PRKCB: variants seen among roughly 807,000 people sequenced by gnomAD.
PRKCB encodes the protein protein kinase C beta, also known as protein kinase C beta type.
A neutral mutation model predicts 81.5 loss-of-function variants in PRKCB; 13 were observed. The ratio of observed to expected loss-of-function variants is 0.16; its 90% confidence interval spans 0.10 to 0.25. The LOEUF (loss-of-function observed/expected upper bound fraction) is 0.25, where lower values mean the gene tolerates loss of function less well. Ranked by LOEUF, PRKCB falls within the 10% of genes least tolerant of loss-of-function variation. The probability of loss-of-function intolerance (pLI) is 1.00; values close to 1 mark genes in which losing one functional copy is unlikely to be tolerated. For missense variants in PRKCB, 509 were observed against 875.7 expected (o/e 0.58, Z 5.29); for synonymous variants, 335 against 321.4 (o/e 1.04, Z -0.45).
At chr16:24,207,322 A>G (rs1236268699) in intron 16 of PRKCB, among the ~76,000 whole-genome samples, 1 of 152,174 alleles carries the variant, frequency 6.6e-6, no homozygotes, top group Non-Finnish European at 1.5e-5. Flanking sequence ...AATAGCTTTC[A>G]CAGCTTCTTT....
intron 3 of PRKCB, among the ~76,000 whole-genome samples, chr16:24,020,996 CTT>C (rs1458956295): frequency 1.5e-5 from 2 of 132,528 alleles, no homozygotes; most frequent in Admixed American, 1.5e-4. Flanking sequence ...TTCTTTCTTT[CTT>C]TCTTTCTTTC....
At chr16:24,150,216 A>C (rs1213192561) in intron 9 of PRKCB, among the ~76,000 whole-genome samples, 1 of 152,194 alleles carries the variant, frequency 6.6e-6, no homozygotes, top group Non-Finnish European at 1.5e-5. Context: ...CTGTAATCCC[A>C]GCTACTTGGG....
At chr16:23,996,033 T>C (rs1263419471) in intron 3 of PRKCB, among the ~76,000 whole-genome samples, 1 of 152,010 alleles carries the variant, frequency 6.6e-6, no homozygotes, top group Non-Finnish European at 1.5e-5. Context: ...TGGCCATACA[T>C]GTGACTATAT....
At chr16:24,126,170 G>A (rs1966843930) in intron 9 of PRKCB, among the ~76,000 whole-genome samples, 1 of 152,178 alleles carries the variant, frequency 6.6e-6, no homozygotes, top group South Asian at 2.1e-4. Context: ...TTGGGTTGGG[G>A]AAGATGTCTA....
intron 10 of PRKCB, among the ~76,000 whole-genome samples, chr16:24,159,021 T>A (rs1596574580): frequency 1.3e-5 from 2 of 152,228 alleles, no homozygotes; most frequent in Middle Eastern, 6.8e-3. Context: ...TGGGTTAGAA[T>A]CCCTCCTGCA....
intron 3 of PRKCB, among the ~76,000 whole-genome samples, chr16:24,029,861 A>T (rs1296432937): frequency 6.6e-6 from 1 of 152,178 alleles, no homozygotes; most frequent in Admixed American, 6.5e-5. Context: ...CTGGATTGGA[A>T]CCTAAGGCCC....
intron 2 of PRKCB, among the ~76,000 whole-genome samples, chr16:23,862,537 T>C (rs963697810): frequency 1.3e-5 from 2 of 152,224 alleles, no homozygotes; most frequent in Non-Finnish European, 1.5e-5. Context: ...TTCTTCCAAG[T>C]TTCAACCTCT....
chr16:23,962,785 G>T (rs558094605), intron 2 of PRKCB, among the ~76,000 whole-genome samples: 3 of 151,956 alleles, frequency 2.0e-5, no homozygotes, highest in African/African-American at 2.4e-5. Context: ...GGAGCAAGTG[G>T]TTTTTTTGGT....
chr16:24,116,071 G>A (rs1034916057), intron 8 of PRKCB, among the ~76,000 whole-genome samples: 8 of 152,228 alleles, frequency 5.3e-5, no homozygotes, highest in Non-Finnish European at 1.0e-4. Context: ...ATTTCAGTAC[G>A]TCAGAGTTGG....
At chr16:24,203,773 A>G (rs951826081) in intron 16 of PRKCB, among the ~76,000 whole-genome samples, 1 of 152,182 alleles carries the variant, frequency 6.6e-6, no homozygotes, top group Non-Finnish European at 1.5e-5. Flanking sequence ...AACAGCACAG[A>G]GATGGTGTGT....
chr16:24,198,878 A>G (rs1291860177), intron 16 of PRKCB, among the ~76,000 whole-genome samples: 1 of 152,122 alleles, frequency 6.6e-6, no homozygotes, highest in Non-Finnish European at 1.5e-5. Context: ...CACTCCTGAC[A>G]TTGGAGCAAC....
chr16:24,191,393 T>G, intron 16 of PRKCB, 163 bp downstream of exon 16: 1 of 749,946 alleles, frequency 1.3e-6, no homozygotes, highest in East Asian at 2.7e-5. Context: ...GTTACTAAGA[T>G]GGACATTTTC....
chr16:23,875,480 G>GATATAT (rs71381624), intron 2 of PRKCB, among the ~76,000 whole-genome samples: 82 of 4,638 alleles, frequency 0.018, 2 homozygotes, highest in African/African-American at 0.037. Context: ...CAACTAAAAA[G>GATATAT]ATATATATAT....
chr16:24,188,491 G>A (rs2141977965), intron 15 of PRKCB, among the ~76,000 whole-genome samples: 1 of 152,140 alleles, frequency 6.6e-6, no homozygotes, highest in African/African-American at 2.4e-5. Flanking sequence ...GCATCCTCCT[G>A]CTTAGACAGA....
At position 23,905,024 on chromosome 16, in the gene PRKCB, C is replaced by A. The variant is rs1963535488; in HGVS notation, c.205+67618C>A. On this transcript the variant is annotated intron_variant, in intron 2 of 16. Transcript: ENST00000643927. The stretch of plus-strand genomic sequence containing the variant: ...ACTGTTTTCTACATTTCTTTCTTTG[C>A]ATTGGTCCTTTTTTTTTCTTTTTTT... Among the ~76,000 whole-genome samples, 3 of 149,398 alleles carry A rather than the reference C, an allele frequency of 2.0e-5. No homozygotes were observed. In the Admixed American group the frequency reaches 2.0e-4, roughly 10 times the overall value.
chr16:24,030,930 T>C (rs1180238687), intron 3 of PRKCB, among the ~76,000 whole-genome samples: 1 of 144,742 alleles, frequency 6.9e-6, no homozygotes, highest in Non-Finnish European at 1.5e-5. Flanking sequence ...TCAGCATAGT[T>C]GCATGCACCT....
chr16:24,105,668 T>C (rs557328958), intron 7 of PRKCB, among the ~76,000 whole-genome samples: 1 of 152,328 alleles, frequency 6.6e-6, no homozygotes, highest in East Asian at 1.9e-4. Context: ...AGAATGATGG[T>C]TTCCAGCTTT....
intron 2 of PRKCB, among the ~76,000 whole-genome samples, chr16:23,852,685 G>A (rs752523712): frequency 1.1e-4 from 16 of 152,276 alleles, no homozygotes; most frequent in Non-Finnish European, 1.8e-4. Context: ...TTGACATCCA[G>A]ATCAAGAAAC....
intron 9 of PRKCB, among the ~76,000 whole-genome samples, chr16:24,124,239 A>G (rs890919870): frequency 6.6e-6 from 1 of 152,212 alleles, no homozygotes. Context: ...CTATGCTTTC[A>G]AAGAGCTAGG....
Sources: allele counts gnomAD v4.1 joint callset (sites outside exome capture counted in the v4.1 genomes callset), GRCh38; gene constraint gnomAD v4.1.1; transcripts MANE v1.5; gene names NCBI Gene and HGNC (gene_info 2026-07-23, HGNC 2026-07-21).